The following MYO16 variants were observed in gnomAD, a reference collection of about 807,000 sequenced individuals.
The protein encoded by MYO16 is unconventional myosin-XVI.
In MYO16, 94 loss-of-function variants were observed where a neutral mutation model predicts 205.3. The ratio of observed to expected loss-of-function variants is 0.46; its 90% CI spans 0.39 to 0.54. The LOEUF is 0.54. Ranked by LOEUF, MYO16 falls within the 20% of genes least tolerant of loss-of-function variation. The pLI is 0.00. For synonymous variants in MYO16, 988 were observed against 954.0 expected, an observed-to-expected ratio of 1.04 and a Z score of -0.66; for missense variants, 2,315 against 2,387.5, an observed-to-expected ratio of 0.97 and a Z score of 0.63.
intron 16 of MYO16, among the ~76,000 whole-genome samples, chr13:108,911,480 G>A (rs1881264495): frequency 1.3e-5 from 2 of 152,140 alleles, no homozygotes. Context: ...GGAGATGGAA[G>A]TGTACAAGGG....
At chr13:108,549,923 C>T in the MYO16 span, among the ~76,000 whole-genome samples, 7 of 152,210 alleles carry the variant, frequency 4.6e-5, no homozygotes, top group African/African-American at 1.7e-4. Context: ...CTGAACTGAA[C>T]TTTGGTGCAG....
chr13:108,588,656 A>G, the MYO16 span, among the ~76,000 whole-genome samples: 1 of 152,046 alleles, frequency 6.6e-6, no homozygotes, highest in African/African-American at 2.4e-5. Context: ...GGAGTCATTC[A>G]TGGTTGAGTA....
chr13:108,841,701 G>A lies in MYO16; in HGVS notation c.1098-2642G>A, dbSNP rs559631269. 3.3e-5 allele frequency among the ~76,000 whole-genome samples: 5 copies of A among 152,194 alleles called. No homozygotes were observed. The South Asian group carries it at 1.0e-3, about 32-fold the overall frequency. ...AAGAAACCAATATAAATAGTCAAAA[G>A]ATTTGAGCCCACATTTTACCAAAGA... On this transcript the variant is annotated intron_variant, in intron 9 of 34. Transcript: ENST00000457511.
chr13:108,641,347 A>G (rs1387278390), intron 1 of MYO16, among the ~76,000 whole-genome samples: 1 of 152,148 alleles, frequency 6.6e-6, no homozygotes, highest in Admixed American at 6.5e-5. Flanking sequence ...GATGAAAGAG[A>G]CTTGAGTTAT....
At chr13:109,149,710 G>A (rs1315653267) in intron 32 of MYO16, among the ~76,000 whole-genome samples, 2 of 152,016 alleles carry the variant, frequency 1.3e-5, no homozygotes, top group Non-Finnish European at 2.9e-5. Flanking sequence ...TTCTTCGTGT[G>A]CCCCCTGCCT....
chr13:109,145,378 A>AC (rs1877283467), intron 32 of MYO16, among the ~76,000 whole-genome samples: 1 of 151,824 alleles, frequency 6.6e-6, no homozygotes, highest in South Asian at 2.1e-4. Context: ...CAGAAAAAAA[A>AC]AAAGTCTTTT....
chr13:108,765,457 A>T (rs577045482), intron 4 of MYO16, among the ~76,000 whole-genome samples: 2 of 152,298 alleles, frequency 1.3e-5, no homozygotes, highest in East Asian at 3.9e-4. Flanking sequence ...AAATAACAAT[A>T]TTCCCTTCAG....
the MYO16 span, among the ~76,000 whole-genome samples, chr13:108,549,226 TG>T: frequency 1.3e-5 from 2 of 152,202 alleles, no homozygotes; most frequent in African/African-American, 4.8e-5. Flanking sequence ...GAGATTATTT[TG>T]GGTCATCTGG....
rs571727964 is a variant in MYO16, at chr13:108,862,588, C to T, written c.1360-3589C>T. 3.3e-5 allele frequency among the ~76,000 whole-genome samples: 5 copies of T among 152,182 alleles called. No homozygotes were observed. The South Asian group carries it at 8.3e-4, about 25-fold the overall frequency. ...GGATCTGTTTTCTTTTGTATTGGTC[C>T]GTGTGTTCCTAAACAAATCACCAAA... On this transcript the variant is annotated intron_variant, in intron 11 of 34. Transcript: ENST00000457511.
chr13:109,166,873 A>C (rs779065632), intron 33 of MYO16: 1 of 152,208 alleles, frequency 6.6e-6, no homozygotes, highest in South Asian at 2.1e-4. Flanking sequence ...ATTATTTCAT[A>C]GTTTCTGTGG....
At chr13:108,564,260 T>A in the MYO16 span, among the ~76,000 whole-genome samples, 1 of 151,446 alleles carries the variant, frequency 6.6e-6, no homozygotes, top group African/African-American at 2.4e-5. Context: ...AACCTCCATG[T>A]CCCAGGTTCA....
intron 2 of MYO16, among the ~76,000 whole-genome samples, chr13:108,680,303 T>G (rs2139466594): frequency 6.6e-6 from 1 of 152,346 alleles, no homozygotes; most frequent in Middle Eastern, 3.4e-3. Context: ...CCATGTTATT[T>G]TTTGCATATT....
At chr13:108,712,801 C>T in intron 3 of MYO16, 70 bp downstream of exon 3, 1 of 1,222,416 alleles carries the variant, frequency 8.2e-7, no homozygotes, top group Admixed American at 2.5e-5. Context: ...GGTTCAAACC[C>T]AGGAACGAAA....
intron 28 of MYO16, among the ~76,000 whole-genome samples, chr13:109,112,782 A>G (rs935431612): frequency 6.6e-6 from 1 of 152,238 alleles, no homozygotes; most frequent in Non-Finnish European, 1.5e-5. Context: ...TGAAATTTTA[A>G]ATATCTGAGG....
intron 16 of MYO16, among the ~76,000 whole-genome samples, chr13:108,936,297 A>G (rs1228538779): frequency 3.9e-5 from 6 of 152,088 alleles, no homozygotes; most frequent in African/African-American, 1.2e-4. Flanking sequence ...TAGAATTGAT[A>G]CCAGCTCTTC....
At chr13:108,940,037 T>G (rs545533486) in intron 16 of MYO16, among the ~76,000 whole-genome samples, 12 of 152,220 alleles carry the variant, frequency 7.9e-5, no homozygotes, top group Non-Finnish European at 1.2e-4. Flanking sequence ...CTTAATTGTC[T>G]CTTACACCAA....
At chr13:109,022,516 T>TTA (rs139357679) in intron 23 of MYO16, among the ~76,000 whole-genome samples, 97,935 of 101,910 alleles carry the variant, frequency 0.96, 47,717 homozygotes, top group East Asian at 0.99. Flanking sequence ...ATGTATATAT[T>TTA]TGTTATATAT....
chr13:108,538,305 G>A, the MYO16 span, among the ~76,000 whole-genome samples: 2 of 152,088 alleles, frequency 1.3e-5, no homozygotes, highest in African/African-American at 4.8e-5. Context: ...GATAGGAGAA[G>A]TAATCAGAGA....
At chr13:108,784,753 GA>G (rs1397425048) in intron 4 of MYO16, among the ~76,000 whole-genome samples, 1 of 152,166 alleles carries the variant, frequency 6.6e-6, no homozygotes, top group Non-Finnish European at 1.5e-5. Context: ...TGTCTGGCCT[GA>G]GTTTAATGAC....
Sources: gnomAD v4.1 joint callset for allele counts (sites outside exome capture counted in the v4.1 genomes callset) on GRCh38, gnomAD v4.1.1 for gene constraint, MANE v1.5 for transcripts, NCBI Gene and HGNC (gene_info 2026-07-23, HGNC 2026-07-21) for gene names.